The following VSTM5 variants were observed in gnomAD, a reference collection of about 807,000 sequenced individuals.
VSTM5 encodes V-set and transmembrane domain-containing protein 5.
A neutral mutation model predicts 20.3 loss-of-function variants in VSTM5; 21 were observed. The ratio of observed to expected loss-of-function variants is 1.03; its 90% CI spans 0.73 to 1.49. The LOEUF (loss-of-function observed/expected upper bound fraction) is 1.49. VSTM5 is among the 40% of genes most tolerant of loss of function. VSTM5 has a pLI of 0.00. For missense variants in VSTM5, 219 were observed against 250.0 expected (o/e 0.88, Z 0.84); for synonymous variants, 100 against 102.5 (o/e 0.98, Z 0.14).
intron 1 of VSTM5, among the ~76,000 whole-genome samples, chr11:93,828,606 CAT>C (rs1944256875): frequency 1.3e-5 from 2 of 152,180 alleles, no homozygotes; most frequent in Non-Finnish European, 2.9e-5. Flanking sequence ...ATCTTGCCAA[CAT>C]AGTCTCTGCA....
At chr11:93,832,662 T>C (rs1944291939) in intron 1 of VSTM5, among the ~76,000 whole-genome samples, 2 of 152,362 alleles carry the variant, frequency 1.3e-5, no homozygotes, top group Non-Finnish European at 1.5e-5. Flanking sequence ...GACAACCCCA[T>C]GAGCATTACC....
chr11:93,842,572 C>G (rs1944379098), intron 1 of VSTM5, among the ~76,000 whole-genome samples: 1 of 152,238 alleles, frequency 6.6e-6, no homozygotes, highest in Non-Finnish European at 1.5e-5. Context: ...TCACCCTGCA[C>G]CAGTGTGCAA....
At chr11:93,827,151 A>G (rs1015037069) in intron 1 of VSTM5, among the ~76,000 whole-genome samples, 8 of 152,170 alleles carry the variant, frequency 5.3e-5, no homozygotes, top group African/African-American at 1.7e-4. Flanking sequence ...TGGGAGGCCG[A>G]AGCGAGTGGA....
rs1354960635 is a variant in VSTM5, at chr11:93,820,777, A to G, written c.525T>C (p.Tyr175=). Residue 175 remains tyrosine (Y), a synonymous_variant, in exon 3 of 4, where the codon TAT becomes TAC. Coordinates refer to ENST00000409977, the MANE Select transcript of VSTM5 (RefSeq NM_001144871.2). ...SLMWVCNKCA[Y]KFQRKRRHKL... ...TGTGTCTTCTCTTCCTCTGAAATTTATATGCACACTTATTACAAACCCACA... is the reference window on the plus strand; with the variant it reads ...TGTGTCTTCTCTTCCTCTGAAATTTGTATGCACACTTATTACAAACCCACA... 7.7e-6 allele frequency: 12 copies of G among 1,551,520 alleles called. No individual in the cohort carries two copies. The East Asian group carries it at 2.7e-4, about 35-fold the overall frequency.
At chr11:93,844,838 G>GTT (rs1284910260) in intron 1 of VSTM5, among the ~76,000 whole-genome samples, 18 of 132,680 alleles carry the variant, frequency 1.4e-4, no homozygotes, top group East Asian at 2.9e-4. Context: ...GCAGGGCCCC[G>GTT]CTGCTACCCC....
intron 1 of VSTM5, among the ~76,000 whole-genome samples, chr11:93,836,341 T>C (rs1158394259): frequency 6.6e-6 from 1 of 152,238 alleles, no homozygotes; most frequent in Admixed American, 6.5e-5. Context: ...TTAAAACCCT[T>C]GTCTGGCTCT....
In VSTM5 at chr11:93,824,039, C is replaced by T. The variant is rs181550714; in HGVS notation, c.92-2716G>A. Among the ~76,000 whole-genome samples, 134 of 152,070 alleles carry T rather than the reference C, an allele frequency of 8.8e-4. 4 individuals carry two copies. Among genetic ancestry groups the T allele is most frequent in the African/African-American group, 3.0e-3 (126 of 41,472 alleles). On this transcript the variant is annotated intron_variant, in intron 1 of 3. Transcript: ENST00000409977. ...TCTCCTGTCTCAGCCTCCCGAGTAG[C>T]TGGGATTACAGGTGCCCACCACCAT... is the stretch of plus-strand genomic sequence containing the variant.
chr11:93,824,997 C>A (rs950611423), intron 1 of VSTM5, among the ~76,000 whole-genome samples: 1 of 152,150 alleles, frequency 6.6e-6, no homozygotes, highest in Non-Finnish European at 1.5e-5. Flanking sequence ...TGTTTCTGGG[C>A]TATTTTGTTT....
intron 1 of VSTM5, among the ~76,000 whole-genome samples, chr11:93,843,942 C>T (rs936598167): frequency 1.3e-5 from 2 of 152,190 alleles, no homozygotes; most frequent in African/African-American, 4.8e-5. Context: ...CCTGCTCACT[C>T]TTCAAGGCCC....
intron 1 of VSTM5, among the ~76,000 whole-genome samples, chr11:93,833,901 T>G (rs1591399931): frequency 1.3e-5 from 2 of 152,166 alleles, no homozygotes; most frequent in African/African-American, 4.8e-5. Context: ...TCTCTCCTTG[T>G]TTACTGTTCA....
chr11:93,828,977 G>A (rs893292311), intron 1 of VSTM5, among the ~76,000 whole-genome samples: 1 of 152,196 alleles, frequency 6.6e-6, no homozygotes, highest in Non-Finnish European at 1.5e-5. Context: ...ATCTGGAAAA[G>A]TCCTTAATTA....
intron 1 of VSTM5, among the ~76,000 whole-genome samples, chr11:93,830,546 A>G (rs1944273883): frequency 6.6e-6 from 1 of 152,250 alleles, no homozygotes; most frequent in South Asian, 2.1e-4. Flanking sequence ...TGCTGAAAAT[A>G]TACTTGCATG....
chr11:93,846,413 A>G (rs1300762470), intron 1 of VSTM5, among the ~76,000 whole-genome samples: 2 of 152,118 alleles, frequency 1.3e-5, no homozygotes, highest in African/African-American at 2.4e-5. Flanking sequence ...AACAGCTTCA[A>G]TTTTGTCTTT....
chr11:93,838,281 T>C (rs1944339917), intron 1 of VSTM5, among the ~76,000 whole-genome samples: 1 of 152,102 alleles, frequency 6.6e-6, no homozygotes, highest in Non-Finnish European at 1.5e-5. Context: ...GAGACCAGCC[T>C]GGCCAATGTG....
chr11:93,833,585 A>G (rs891824333), intron 1 of VSTM5, among the ~76,000 whole-genome samples: 1 of 152,172 alleles, frequency 6.6e-6, no homozygotes, highest in African/African-American at 2.4e-5. Context: ...ATAGTATTAC[A>G]TATGTGGCTT....
At chr11:93,847,606 A>T in intron 1 of VSTM5, among the ~76,000 whole-genome samples, 1 of 152,208 alleles carries the variant, frequency 6.6e-6, no homozygotes, top group South Asian at 2.1e-4. Context: ...AAACTATCCT[A>T]CTATAGTCTT....
In VSTM5 at chr11:93,820,522, A is replaced by G. The variant is rs1438647566; in HGVS notation, c.*47T>C. ...TAGCTGTGCTTGCTCTTTTTGTTGG[A>G]GAATGGTTTCCTCTTGAGGTAGGAA... On this transcript the variant is annotated 3_prime_UTR_variant, in exon 4 of 4. Coordinates refer to ENST00000409977, the MANE Select transcript of VSTM5 (RefSeq NM_001144871.2). 6.5e-7 allele frequency: 1 copy of G among 1,548,694 alleles called. No individual in the cohort carries two copies. Among genetic ancestry groups the G allele is most frequent in the Non-Finnish European group, 8.7e-7 (1 of 1,144,756 alleles).
chr11:93,842,914 C>T (rs1944382151), intron 1 of VSTM5, among the ~76,000 whole-genome samples: 1 of 152,026 alleles, frequency 6.6e-6, no homozygotes, highest in African/African-American at 2.4e-5. Flanking sequence ...CCAGCCTGGC[C>T]AACATGGTGA....
In VSTM5 at chr11:93,850,393, G is replaced by C; in HGVS notation, c.91+19C>G. On this transcript the variant is annotated intron_variant, in intron 1 of 3. Transcript: ENST00000409977. ...CCATTCCCGCTCCCCCAGCACCCGGGGCGTCCCCCGGAGCTTACTCTGCAG... is the reference window on the plus strand; with the variant it reads ...CCATTCCCGCTCCCCCAGCACCCGGCGCGTCCCCCGGAGCTTACTCTGCAG... 2 of 1,546,346 alleles carry C rather than the reference G, an allele frequency of 1.3e-6. No homozygotes were observed. Among genetic ancestry groups the C allele is most frequent in the Non-Finnish European group, 1.7e-6 (2 of 1,144,882 alleles).
Sources: gnomAD v4.1 joint callset for allele counts (sites outside exome capture counted in the v4.1 genomes callset) on GRCh38, gnomAD v4.1.1 for gene constraint, MANE v1.5 for transcripts, NCBI Gene and HGNC (gene_info 2026-07-23, HGNC 2026-07-21) for gene names.